GRID1: variants seen among roughly 807,000 people sequenced by gnomAD.
GRID1 encodes the protein glutamate ionotropic receptor delta type subunit 1.
In GRID1, 28 loss-of-function variants were observed where a neutral mutation model predicts 98.0. The observed-to-expected ratio is 0.29, with a 90% CI of 0.21 to 0.39. The LOEUF is 0.39. Ranked by LOEUF, GRID1 falls within the 10% of genes least tolerant of loss-of-function variation. GRID1 has a pLI of 1.00. For missense variants in GRID1, 1,111 were observed against 1,340.5 expected (o/e 0.83, Z 2.67); for synonymous variants, 553 against 538.5 (o/e 1.03, Z -0.37).
At chr10:86,111,205 T>TA (rs1844476451) in intron 4 of GRID1, among the ~76,000 whole-genome samples, 1 of 152,202 alleles carries the variant, frequency 6.6e-6, no homozygotes, top group Admixed American at 6.5e-5. Flanking sequence ...CTCTTTTTTT[T>TA]ACCCAGGCTC....
chr10:85,694,875 G>C (rs955760976), intron 12 of GRID1, among the ~76,000 whole-genome samples: 1 of 151,776 alleles, frequency 6.6e-6, no homozygotes, highest in Non-Finnish European at 1.5e-5. Flanking sequence ...CATTATTTGA[G>C]TGATGGTAAG....
intron 5 of GRID1, among the ~76,000 whole-genome samples, chr10:85,905,641 T>C (rs141016763): frequency 1.3e-3 from 193 of 152,238 alleles, no homozygotes; most frequent in African/African-American, 4.2e-3. Flanking sequence ...GATACTATTG[T>C]AAGATACTTA....
chr10:85,690,253 C>T (rs1030401134), intron 12 of GRID1, among the ~76,000 whole-genome samples: 2 of 152,042 alleles, frequency 1.3e-5, no homozygotes, highest in African/African-American at 4.8e-5. Context: ...ATAAAATTTA[C>T]ATAAAATATA....
intron 8 of GRID1, among the ~76,000 whole-genome samples, chr10:85,838,243 A>T (rs930455106): frequency 1.3e-5 from 2 of 152,202 alleles, no homozygotes; most frequent in African/African-American, 4.8e-5. Context: ...ATATTCCAGG[A>T]TATCATCCAT....
chr10:86,022,961 G>A (rs561148413), intron 4 of GRID1, among the ~76,000 whole-genome samples: 40 of 151,510 alleles, frequency 2.6e-4, no homozygotes, highest in South Asian at 1.0e-3. Flanking sequence ...TTTAAGACCT[G>A]CAAGATTCTT....
intron 4 of GRID1, among the ~76,000 whole-genome samples, chr10:86,115,661 G>T (rs1201443078): frequency 6.6e-6 from 1 of 152,194 alleles, no homozygotes; most frequent in Non-Finnish European, 1.5e-5. Flanking sequence ...TGACCCATTT[G>T]CTTAGCCATT....
chr10:85,795,463 G>A (rs558408288), intron 8 of GRID1, among the ~76,000 whole-genome samples: 1 of 152,330 alleles, frequency 6.6e-6, no homozygotes, highest in African/African-American at 2.4e-5. Context: ...AAGCCATTTA[G>A]TAAACAATCC....
At chr10:86,104,170 G>T (rs144754501) in intron 4 of GRID1, among the ~76,000 whole-genome samples, 24 of 152,138 alleles carry the variant, frequency 1.6e-4, no homozygotes, top group African/African-American at 5.6e-4. Flanking sequence ...GGAGACATAC[G>T]GACCAGGGTT....
At chr10:85,979,242 C>T (rs1158162949) in intron 4 of GRID1, among the ~76,000 whole-genome samples, 3 of 152,070 alleles carry the variant, frequency 2.0e-5, no homozygotes, top group Non-Finnish European at 4.4e-5. Context: ...GAGGTCTGAC[C>T]ACCACCTACC....
intron 2 of GRID1, among the ~76,000 whole-genome samples, chr10:86,265,616 T>C (rs1021513982): frequency 1.3e-5 from 2 of 152,216 alleles, no homozygotes; most frequent in East Asian, 3.9e-4. Flanking sequence ...CAGACACTCA[T>C]TCTTGCTCTT....
At chr10:85,855,451 T>C (rs1843100684) in intron 7 of GRID1, among the ~76,000 whole-genome samples, 1 of 152,202 alleles carries the variant, frequency 6.6e-6, no homozygotes, top group Admixed American at 6.5e-5. Context: ...TGGGCTGTAG[T>C]AGATTCTCAC....
intron 12 of GRID1, among the ~76,000 whole-genome samples, chr10:85,696,798 C>T (rs941555126): frequency 1.3e-5 from 2 of 151,892 alleles, no homozygotes; most frequent in Admixed American, 6.6e-5. Context: ...TATAAACTTT[C>T]CTTTAAGCAC....
chr10:86,071,552 C>T (rs962474337), intron 4 of GRID1, among the ~76,000 whole-genome samples: 2 of 152,238 alleles, frequency 1.3e-5, no homozygotes. Context: ...CAAGCCATTG[C>T]CTTTTTCTAG....
At chr10:86,364,907 A>T (rs1282903833) in intron 1 of GRID1, among the ~76,000 whole-genome samples, 2 of 152,152 alleles carry the variant, frequency 1.3e-5, no homozygotes, top group Admixed American at 6.5e-5. Flanking sequence ...TGCGCCTAGC[A>T]CAGCTTCCAC....
At chr10:85,766,556 A>G (rs186426271) in intron 8 of GRID1, among the ~76,000 whole-genome samples, 103 of 152,350 alleles carry the variant, frequency 6.8e-4, no homozygotes, top group African/African-American at 2.2e-3. Context: ...ACTTTTCTAA[A>G]CAACTACTAA....
intron 6 of GRID1, among the ~76,000 whole-genome samples, chr10:85,865,940 T>C (rs867463815): frequency 9.8e-6 from 1 of 101,912 alleles, no homozygotes; most frequent in African/African-American, 3.8e-5. Flanking sequence ...TATATATATA[T>C]ATACACATAT....
At chr10:86,204,261 C>T (rs1845994685) in intron 3 of GRID1, among the ~76,000 whole-genome samples, 1 of 152,172 alleles carries the variant, frequency 6.6e-6, no homozygotes, top group Non-Finnish European at 1.5e-5. Context: ...CTTGAAAACT[C>T]CATGTCCCCA....
At chr10:86,351,839 T>C (rs1019358692) in intron 2 of GRID1, among the ~76,000 whole-genome samples, 27 of 152,244 alleles carry the variant, frequency 1.8e-4, no homozygotes, top group African/African-American at 6.5e-4. Flanking sequence ...GAGCACCTCC[T>C]TGGTGCCAGG....
chr10:85,609,674 A>G (rs1276300025), intron 15 of GRID1, among the ~76,000 whole-genome samples: 1 of 152,232 alleles, frequency 6.6e-6, no homozygotes, highest in Non-Finnish European at 1.5e-5. Flanking sequence ...GGCCTCAGCC[A>G]GCTCCTGTGT....
Sources: gnomAD v4.1 joint callset for allele counts (sites outside exome capture counted in the v4.1 genomes callset) on GRCh38, gnomAD v4.1.1 for gene constraint, MANE v1.5 for transcripts, NCBI Gene and HGNC (gene_info 2026-07-23, HGNC 2026-07-21) for gene names.